Variants in COLEC12 observed in about 807,000 individuals in gnomAD.
COLEC12 encodes the protein collectin-12.
COLEC12 carries 33 observed loss-of-function variants against 71.1 expected under a neutral mutation model. The ratio of observed to expected loss-of-function variants is 0.46; its 90% CI spans 0.35 to 0.62. COLEC12 has a LOEUF of 0.62. COLEC12 is among the 20% of genes least tolerant of loss of function. The pLI, the probability that COLEC12 is intolerant of heterozygous loss-of-function variation, is 0.00. For synonymous variants in COLEC12, 350 were observed against 353.0 expected, an observed-to-expected ratio of 0.99 and a Z score of 0.10; for missense variants, 765 against 916.1, an observed-to-expected ratio of 0.84 and a Z score of 2.13.
At chr18:478,566 T>C (rs1056190502) in intron 2 of COLEC12, among the ~76,000 whole-genome samples, 3 of 152,172 alleles carry the variant, frequency 2.0e-5, no homozygotes, top group Non-Finnish European at 2.9e-5. Context: ...TGAGCTACGA[T>C]TGCACCACTG....
chr18:394,222 T>C (rs1181679361), intron 2 of COLEC12, among the ~76,000 whole-genome samples: 3 of 152,186 alleles, frequency 2.0e-5, no homozygotes, highest in African/African-American at 4.8e-5. Context: ...TGTCGTTCCA[T>C]AGGACAGAGG....
chr18:451,221 C>T (rs4527097), intron 2 of COLEC12, among the ~76,000 whole-genome samples: 1 of 152,120 alleles, frequency 6.6e-6, no homozygotes, highest in Admixed American at 6.5e-5. Context: ...ATGGTTTTCA[C>T]TCTCACATAT....
intron 2 of COLEC12, among the ~76,000 whole-genome samples, chr18:467,942 G>T (rs1917118338): frequency 6.6e-6 from 1 of 152,082 alleles, no homozygotes; most frequent in Non-Finnish European, 1.5e-5. Flanking sequence ...TTGAATTGTT[G>T]GAATAAGGAA....
At chr18:459,259 A>C (rs1413234028) in intron 2 of COLEC12, among the ~76,000 whole-genome samples, 1 of 152,262 alleles carries the variant, frequency 6.6e-6, no homozygotes, top group Non-Finnish European at 1.5e-5. Context: ...GCTCTTAGGT[A>C]CAGGCAGAGA....
chr18:436,663 T>G (rs1258635438), intron 2 of COLEC12, among the ~76,000 whole-genome samples: 1 of 151,770 alleles, frequency 6.6e-6, no homozygotes, highest in East Asian at 1.9e-4. Context: ...TTCCAATCTA[T>G]CTGGGAGTCA....
chr18:375,218 T>C (rs1461082599), intron 2 of COLEC12, among the ~76,000 whole-genome samples: 1 of 152,182 alleles, frequency 6.6e-6, no homozygotes, highest in African/African-American at 2.4e-5. Context: ...CCCTACACTG[T>C]CTGCCTCCAA....
intron 8 of COLEC12, among the ~76,000 whole-genome samples, chr18:330,873 G>GTTTTTTTTTT (rs60146586): frequency 6.7e-5 from 9 of 133,766 alleles, no homozygotes; most frequent in Non-Finnish European, 1.1e-4. Context: ...CACATTTGTA[G>GTTTTTTTTTT]TTTTTTTTTT....
At chr18:439,820 T>C (rs1356067782) in intron 2 of COLEC12, among the ~76,000 whole-genome samples, 2 of 152,156 alleles carry the variant, frequency 1.3e-5, no homozygotes, top group Non-Finnish European at 2.9e-5. Flanking sequence ...TACCATATGA[T>C]CCAGCAATTT....
intron 5 of COLEC12, among the ~76,000 whole-genome samples, chr18:336,261 C>T (rs1187469875): frequency 1.3e-5 from 2 of 152,064 alleles, no homozygotes; most frequent in African/African-American, 4.8e-5. Context: ...CTCAGAGGGA[C>T]GGGAGGTCTC....
intron 2 of COLEC12, among the ~76,000 whole-genome samples, chr18:393,191 T>C (rs1915498936): frequency 6.6e-6 from 1 of 152,230 alleles, no homozygotes; most frequent in Non-Finnish European, 1.5e-5. Flanking sequence ...TGAGGGACAT[T>C]ACAAGAAACA....
At position 373,750 on chromosome 18, in the gene COLEC12, T is replaced by C. The variant is rs531964904; in HGVS notation, c.59-16228A>G. ...CCCACCTCCCCCCAAGAATTCTGTCTGGTATGCTTCGTGGTACATCTGCAG... is the reference window on the plus strand; with the variant it reads ...CCCACCTCCCCCCAAGAATTCTGTCCGGTATGCTTCGTGGTACATCTGCAG... On this transcript the variant is annotated intron_variant, in intron 2 of 9. Coordinates refer to ENST00000400256, the MANE Select transcript of COLEC12 (RefSeq NM_130386.3). Among the ~76,000 whole-genome samples, 20 of 152,186 alleles carry C rather than the reference T, an allele frequency of 1.3e-4. No individual in the cohort carries two copies. In the South Asian group the frequency reaches 3.7e-3, roughly 28 times the overall value.
At chr18:383,228 TA>T (rs1465454624) in intron 2 of COLEC12, among the ~76,000 whole-genome samples, 1 of 152,228 alleles carries the variant, frequency 6.6e-6, no homozygotes, top group African/African-American at 2.4e-5. Context: ...AGCCAGAACA[TA>T]ATTTAATTTA....
intron 3 of COLEC12, among the ~76,000 whole-genome samples, chr18:352,140 C>T (rs1245229113): frequency 6.6e-6 from 1 of 152,094 alleles, no homozygotes; most frequent in Non-Finnish European, 1.5e-5. Flanking sequence ...TAATCTGTAC[C>T]TTAGGGTTGC....
chr18:500,490 G>A lies in COLEC12; in HGVS notation c.7+18C>T, dbSNP rs1917801959. On this transcript the variant is annotated intron_variant, in intron 1 of 9. Coordinates refer to ENST00000400256, the MANE Select transcript of COLEC12 (RefSeq NM_130386.3). This position sits in a 1 kb window ranked among gnomAD's most constrained non-coding sequence, Gnocchi z 5.3. ...CGTTCCCCCCGCCCAGAGCCCCGCG[G>A]AGCTGCCGCCGCCCTACCTTTCATG... 2.4e-6 allele frequency: 3 copies of A among 1,228,602 alleles called. No individual in the cohort carries two copies. The highest frequency in any genetic ancestry group is 8.5e-5 in the Admixed American group (2 of 23,408). 76.1% of individuals were successfully genotyped at this position (1,228,602 alleles called of 1,614,324 possible). A position where few individuals can be genotyped will look rare whatever the true frequency, so the allele number is the denominator to read the frequency against.
At chr18:322,574 G>A (rs150702573) in intron 8 of COLEC12, among the ~76,000 whole-genome samples, 80 of 152,290 alleles carry the variant, frequency 5.3e-4, no homozygotes, top group Non-Finnish European at 8.8e-4. Context: ...ACGTTTCCAC[G>A]AATAAATCAG....
intron 2 of COLEC12, among the ~76,000 whole-genome samples, chr18:466,623 A>G (rs1445678491): frequency 3.3e-5 from 5 of 152,258 alleles, no homozygotes; most frequent in Non-Finnish European, 7.3e-5. Context: ...TGCAAAGCAC[A>G]TTCTAAGCAC....
chr18:458,484 T>G (rs1197500131), intron 2 of COLEC12, among the ~76,000 whole-genome samples: 1 of 152,236 alleles, frequency 6.6e-6, no homozygotes, highest in East Asian at 1.9e-4. Flanking sequence ...CGATCCAGGT[T>G]GGCCCTCTCC....
At chr18:355,944 A>G (rs644435) in intron 3 of COLEC12, among the ~76,000 whole-genome samples, 61,013 of 152,094 alleles carry the variant, frequency 0.4, 14,059 homozygotes, top group African/African-American at 0.63. Context: ...GTTAGATCAC[A>G]GTCTAACTCA....
At chr18:440,501 C>A (rs1249621888) in intron 2 of COLEC12, among the ~76,000 whole-genome samples, 1 of 151,986 alleles carries the variant, frequency 6.6e-6, no homozygotes, top group East Asian at 1.9e-4. Flanking sequence ...TAAATATGTA[C>A]AATTTTATTT....
Sources: allele counts gnomAD v4.1 joint callset (sites outside exome capture counted in the v4.1 genomes callset), GRCh38; gene constraint gnomAD v4.1.1; non-coding constraint Gnocchi (gnomAD v3.1); transcripts MANE v1.5; gene names NCBI Gene and HGNC (gene_info 2026-07-23, HGNC 2026-07-21).